The following ITPR2 variants were observed in gnomAD, a reference collection of about 807,000 sequenced individuals.
ITPR2 encodes the protein inositol 1,4,5-trisphosphate receptor type 2, also known as inositol 1,4,5-trisphosphate-gated calcium channel ITPR2.
Under a neutral mutation model 317.1 loss-of-function variants are expected in ITPR2, and 207 were observed. The ratio of observed to expected loss-of-function variants is 0.65; its 90% CI spans 0.58 to 0.73. ITPR2 has a LOEUF of 0.73. Ranked by LOEUF, ITPR2 falls within the 30% of genes least tolerant of loss-of-function variation. The pLI is 0.00. For missense variants in ITPR2, 2,613 were observed against 3,284.0 expected, an observed-to-expected ratio of 0.80 and a Z score of 4.99; for synonymous variants, 1,156 against 1,149.1, an observed-to-expected ratio of 1.01 and a Z score of -0.12.
At chr12:26,409,044 A>G (rs1244728997) in intron 52 of ITPR2, among the ~76,000 whole-genome samples, 1 of 152,184 alleles carries the variant, frequency 6.6e-6, no homozygotes, top group East Asian at 1.9e-4. Flanking sequence ...AGTTTTCAAA[A>G]TGTCTCTTTT....
chr12:26,697,712 G>A (rs1948377616), intron 9 of ITPR2, among the ~76,000 whole-genome samples: 1 of 152,040 alleles, frequency 6.6e-6, no homozygotes, highest in South Asian at 2.1e-4. Flanking sequence ...GGGAAGCTGA[G>A]CATGAGACTT....
At chr12:26,474,609 C>T (rs548325334) in intron 45 of ITPR2, among the ~76,000 whole-genome samples, 19 of 151,474 alleles carry the variant, frequency 1.3e-4, no homozygotes, top group Admixed American at 9.8e-4. Flanking sequence ...CCGGCTAAAG[C>T]GGTGAAACCC....
chr12:26,367,334 G>T (rs1939043847), intron 55 of ITPR2, among the ~76,000 whole-genome samples: 1 of 152,120 alleles, frequency 6.6e-6, no homozygotes, highest in Non-Finnish European at 1.5e-5. Flanking sequence ...CAAGCATTTT[G>T]CACCTTGTCC....
rs1210457189 is a variant in ITPR2, at chr12:26,338,127, C to T, written c.*1270G>A. ...CAGAGTCTGGTATCAAGTGTCTTCACTCCCTGTCACATCACTTTTTTCCCA... is the reference window on the plus strand; with the variant it reads ...CAGAGTCTGGTATCAAGTGTCTTCATTCCCTGTCACATCACTTTTTTCCCA... On this transcript the variant is annotated 3_prime_UTR_variant, in exon 57 of 57. Transcript: ENST00000381340. The T allele has an allele frequency of 1.3e-5, 2 of 152,242 alleles. No homozygotes were observed. Among genetic ancestry groups the T allele is most frequent in the African/African-American group, 2.4e-5 (1 of 41,436 alleles). 9.4% of individuals were successfully genotyped at this position (152,242 alleles called of 1,614,324 possible).
At chr12:26,527,193 T>C (rs112416190) in intron 37 of ITPR2, among the ~76,000 whole-genome samples, 2,936 of 152,304 alleles carry the variant, frequency 0.019, 54 homozygotes, top group African/African-American at 0.046. Flanking sequence ...GCAGGTAGTA[T>C]AGGGTACATT....
intron 37 of ITPR2, among the ~76,000 whole-genome samples, chr12:26,501,659 T>G (rs1289044473): frequency 6.6e-6 from 1 of 152,222 alleles, no homozygotes; most frequent in Non-Finnish European, 1.5e-5. Context: ...AAGAGCCTTG[T>G]GAAAAAACAA....
In ITPR2 at chr12:26,487,083, C is replaced by G; in HGVS notation, c.5539G>C (p.Gly1847Arg). The G allele has an allele frequency of 6.2e-7, 1 of 1,611,950 alleles. No homozygotes were observed. The highest frequency in any genetic ancestry group is 1.1e-5 in the South Asian group (1 of 90,784). The change falls in exon 40 of 57, where the codon GGT (glycine) becomes CGT (arginine). Residue 1847 changes from glycine to arginine, a missense_variant. Physicochemically the swap from Gly to Arg is moderately radical, Grantham distance 125 (BLOSUM62 -2). Coordinates refer to ENST00000381340, the MANE Select transcript of ITPR2 (RefSeq NM_002223.4). ...ACTTCTTTACCTCTCATTCGTGGAC[C>G]AGATGTCATCAATTCATTGTCATCG... ...RDDDNELMTS[G>R]PRMRVRDSTL...
At chr12:26,777,868 T>A (rs1183916123) in intron 2 of ITPR2, among the ~76,000 whole-genome samples, 2 of 152,158 alleles carry the variant, frequency 1.3e-5, no homozygotes, top group East Asian at 3.9e-4. Context: ...CCTTTGGCCT[T>A]TTACCTGGGT....
In ITPR2 at chr12:26,338,269, A is replaced by G. The variant is rs1473592452; in HGVS notation, c.*1128T>C. 6.6e-6 allele frequency: 1 copy of G among 152,666 alleles called. No homozygotes were observed. Among genetic ancestry groups the G allele is most frequent in the Non-Finnish European group, 1.5e-5 (1 of 68,042 alleles). The allele number at this position is 152,666 out of a possible 1,614,324, so 9.5% of individuals were successfully genotyped here. On this transcript the variant is annotated 3_prime_UTR_variant, in exon 57 of 57. Coordinates refer to ENST00000381340, the MANE Select transcript of ITPR2 (RefSeq NM_002223.4). ...AATTCTGAGTGCATGATTTAATACA[A>G]AAACAATTTGAATAAGAGATTTTTA...
In ITPR2 at chr12:26,336,025, G is replaced by A. The variant is rs929160601; in HGVS notation, c.*3372C>T. 12 of 152,202 alleles carry A rather than the reference G, an allele frequency of 7.9e-5. No individual in the cohort carries two copies. The highest frequency in any genetic ancestry group is 2.9e-4 in the African/African-American group (12 of 41,446). 9.4% of individuals were successfully genotyped at this position (152,202 alleles called of 1,614,324 possible). On this transcript the variant is annotated 3_prime_UTR_variant, in exon 57 of 57. Coordinates refer to ENST00000381340, the MANE Select transcript of ITPR2 (RefSeq NM_002223.4). ...CAGCTTTGTTCTCTGCATGGGTGAG[G>A]GGTATCTCTGGGGTCCATCAACTAT...
intron 55 of ITPR2, among the ~76,000 whole-genome samples, chr12:26,371,158 G>A (rs1939177353): frequency 6.6e-6 from 1 of 152,196 alleles, no homozygotes; most frequent in Non-Finnish European, 1.5e-5. Context: ...TTTGAGGAGA[G>A]AGGATAAAAA....
chr12:26,617,794 A>G (rs1324554288), intron 26 of ITPR2, among the ~76,000 whole-genome samples: 2 of 151,352 alleles, frequency 1.3e-5, no homozygotes, highest in East Asian at 1.9e-4. Context: ...GAAAGAGGAA[A>G]GGAAGGAGGG....
At chr12:26,805,764 C>G (rs1024210808) in intron 1 of ITPR2, among the ~76,000 whole-genome samples, 2 of 151,682 alleles carry the variant, frequency 1.3e-5, no homozygotes, top group Admixed American at 1.3e-4. Context: ...GTTCCAAGAC[C>G]TGCAAGGAAG....
intron 2 of ITPR2, among the ~76,000 whole-genome samples, chr12:26,740,005 C>G (rs1316183992): frequency 6.6e-6 from 1 of 152,182 alleles, no homozygotes; most frequent in Non-Finnish European, 1.5e-5. Context: ...TTTGCTAAAT[C>G]ACAGGATCTA....
At chr12:26,436,117 G>T in intron 48 of ITPR2, 104 bp downstream of exon 48, 1 of 1,149,168 alleles carries the variant, frequency 8.7e-7, no homozygotes, top group Non-Finnish European at 1.2e-6. Context: ...AACAAGTATA[G>T]AAAAATCCAT....
chr12:26,636,898 C>T (rs1484819624), intron 21 of ITPR2, among the ~76,000 whole-genome samples: 1 of 152,136 alleles, frequency 6.6e-6, no homozygotes, highest in Non-Finnish European at 1.5e-5. Context: ...CAGCATGAAT[C>T]ATGTTTTCCC....
chr12:26,357,655 G>A (rs1224507181), intron 55 of ITPR2, among the ~76,000 whole-genome samples: 4 of 152,236 alleles, frequency 2.6e-5, no homozygotes, highest in South Asian at 2.1e-4. Context: ...GGCTGGCATC[G>A]GACATAGGGC....
chr12:26,419,518 G>T (rs1342362550), intron 49 of ITPR2: 1 of 200,532 alleles, frequency 5.0e-6, no homozygotes, highest in African/African-American at 2.3e-5. Context: ...ATCAAGACAG[G>T]TCTGGATTTA....
intron 21 of ITPR2, among the ~76,000 whole-genome samples, chr12:26,651,516 G>T (rs1947254289): frequency 6.6e-6 from 1 of 152,012 alleles, no homozygotes; most frequent in African/African-American, 2.4e-5. Flanking sequence ...CTTAGTTTTT[G>T]AATTTATGAA....
Sources: gnomAD v4.1 joint callset for allele counts (sites outside exome capture counted in the v4.1 genomes callset) on GRCh38, gnomAD v4.1.1 for gene constraint, MANE v1.5 for transcripts, NCBI Gene and HGNC (gene_info 2026-07-23, HGNC 2026-07-21) for gene names.